TTN: variants seen among roughly 807,000 people sequenced by gnomAD.
The protein encoded by TTN is titin, also known as connectin.
A neutral mutation model predicts 3,223.0 loss-of-function variants in TTN; 1,525 were observed. The ratio of observed to expected loss-of-function variants is 0.47; its 90% CI spans 0.45 to 0.49. TTN has a LOEUF of 0.49. TTN is among the 20% of genes least tolerant of loss of function. The probability of loss-of-function intolerance (pLI) is 0.00; values close to 1 mark genes in which losing one functional copy is unlikely to be tolerated. For synonymous variants in TTN, 14,094 were observed against 15,161.0 expected, an observed-to-expected ratio of 0.93 and a Z score of 5.17; for missense variants, 40,786 against 43,424.0, an observed-to-expected ratio of 0.94 and a Z score of 5.40.
In TTN at chr2:178,590,811, C is replaced by A. The variant is rs750920394; in HGVS notation, c.60914G>T (p.Gly20305Val). Residue 20305 changes from glycine to valine, a missense_variant, in exon 304 of 363, where the codon GGC (glycine) becomes GTC (valine). Gly to Val is a moderately radical substitution (Grantham distance 109). Transcript: ENST00000589042. ...TACTTCTCGACGTTCCATATAGTAG[C>A]CAGTTATTGGACTGCCACCATCAGA... ...PKSDGGSPITGYYMERREVTG... is the reference protein window; with the variant it reads ...PKSDGGSPITVYYMERREVTG... The A allele has an allele frequency of 6.2e-7, 1 of 1,606,876 alleles. No individual in the cohort carries two copies. The highest frequency in any genetic ancestry group is 1.1e-5 in the South Asian group (1 of 90,862).
At chr2:178,713,756 G>T in intron 92 of TTN, 141 bp downstream of exon 92, 1 of 1,061,984 alleles carries the variant, frequency 9.4e-7, no homozygotes, top group Non-Finnish European at 1.3e-6. Context: ...TTCTACAGAT[G>T]GTATTGCCTC....
chr2:178,775,913 C>T lies in TTN; in HGVS notation c.5951G>A (p.Arg1984Lys). 1 of 1,614,106 alleles carries T rather than the reference C, an allele frequency of 6.2e-7. No individual in the cohort carries two copies. Among genetic ancestry groups the T allele is most frequent in the South Asian group, 1.1e-5 (1 of 91,074 alleles). ...TTCAGGCACTTTTTCATGGGTAATTCTTTCAGCCCTTTTCAACTTCACAAC... is the reference window on the plus strand; with the variant it reads ...TTCAGGCACTTTTTCATGGGTAATTTTTTCAGCCCTTTTCAACTTCACAAC... ...KEVVKLKRAE[R>K]ITHEKVPEES... The change falls in exon 28 of 363, where the codon AGA becomes AAA. Residue 1984 changes from arginine (R) to lysine (K), a missense_variant. Transcript: ENST00000589042.
Position 178,552,103 on chromosome 2 carries a change from T to C in TTN, c.90797A>G (p.Glu30266Gly). ...EITCYSIEKRETSQTNWKMVC... is the reference protein window; with the variant it reads ...EITCYSIEKRGTSQTNWKMVC... Reference sequence around the variant, plus strand: ...CATCTTCCAGTTAGTTTGTGAAGTTTCCCGCTTCTCGATGCTGTAACAAGT... The same window carrying C: ...CATCTTCCAGTTAGTTTGTGAAGTTCCCCGCTTCTCGATGCTGTAACAAGT... The change falls in exon 335 of 363, where the codon GAA becomes GGA. Residue 30266 changes from glutamate (E) to glycine (G), a missense_variant. Glu to Gly is a moderately conservative substitution (Grantham distance 98). Coordinates refer to ENST00000589042, the MANE Select transcript of TTN (RefSeq NM_001267550.2). The C allele has an allele frequency of 6.2e-7, 1 of 1,613,760 alleles. No homozygotes were observed. The highest frequency in any genetic ancestry group is 8.5e-7 in the Non-Finnish European group (1 of 1,179,752).
Position 178,777,703 on chromosome 2 carries a change from C to T in TTN, c.4480+1G>A, listed in dbSNP as rs766581255. On this transcript the variant is annotated splice_donor_variant, in intron 25 of 362. Coordinates refer to ENST00000589042, the MANE Select transcript of TTN (RefSeq NM_001267550.2). LOFTEE classifies it high-confidence loss of function. ...CATGAGCAAAAACTTATCACGCTTA[C>T]CATCATGAAACCAGAACGTCTCTGG... 6.2e-7 allele frequency: 1 copy of T among 1,614,014 alleles called. No homozygotes were observed. The highest frequency in any genetic ancestry group is 8.5e-7 in the Non-Finnish European group (1 of 1,179,936).
rs755746120 is a variant in TTN at position 178,609,751 on chromosome 2, T to C, written c.51672A>G (p.Ala17224=). The C allele has an allele frequency of 6.2e-7, 1 of 1,612,558 alleles. No homozygotes were observed. Among genetic ancestry groups the C allele is most frequent in the East Asian group, 2.2e-5 (1 of 44,790 alleles). The change falls in exon 272 of 363, where the codon GCA becomes GCG. Residue 17224 remains alanine (A), a synonymous_variant. Coordinates refer to ENST00000589042, the MANE Select transcript of TTN (RefSeq NM_001267550.2). The part of the protein sequence containing the change: ...EGKEYQFRVR[A]ENAAGISEPS... ...GTTCACTAATACCCGCGGCGTTCTC[T>C]GCTCGCACACGGAATTGGTACTCTT...
chr2:178,665,805 A>G lies in TTN; in HGVS notation c.35876-14T>C, dbSNP rs889256993. ...GTGATTCAGGCACTTTAAAGATATG[A>G]ATGCATTGTACTTTGGAGTTATGAA... On this transcript the variant is annotated splice_polypyrimidine_tract_variant and intron_variant, in intron 163 of 362. Transcript: ENST00000589042. 5 of 1,248,778 alleles carry G rather than the reference A, an allele frequency of 4.0e-6. No individual in the cohort carries two copies. In the African/African-American group the frequency reaches 7.7e-5, roughly 19 times the overall value. 77.4% of individuals were successfully genotyped at this position (1,248,778 alleles called of 1,614,324 possible).
intron 47 of TTN, chr2:178,749,430 C>T (rs1421140842): frequency 1.9e-6 from 3 of 1,613,078 alleles, no homozygotes; most frequent in Middle Eastern, 1.7e-4. Context: ...ATGCAACGCA[C>T]CTGCTCTTTC....
At chr2:178,732,007 G>A (rs776224423) in intron 57 of TTN, 36 bp from the exon 58 acceptor site, 1 of 1,591,540 alleles carries the variant, frequency 6.3e-7, no homozygotes. Context: ...ATTAAGGGAG[G>A]AGGGGTCTGT....
intron 147 of TTN, 104 bp from the exon 148 acceptor site, chr2:178,676,099 A>C: frequency 9.5e-7 from 1 of 1,051,000 alleles, no homozygotes; most frequent in Non-Finnish European, 1.4e-6. Flanking sequence ...ACAGTCGCTC[A>C]AGACAGGTCT....
chr2:178,695,426 A>G lies in TTN; in HGVS notation c.31208-16T>C. 2 of 1,605,970 alleles carry G rather than the reference A, an allele frequency of 1.2e-6. No homozygotes were observed. Among genetic ancestry groups the G allele is most frequent in the Non-Finnish European group, 8.5e-7 (1 of 1,173,098 alleles). ...TCATGTGATTCTGAAATAAAAACAC[A>G]GGAATAAGAAGGGATGCTTAAATAG... On this transcript the variant is annotated splice_polypyrimidine_tract_variant and intron_variant, in intron 114 of 362. Coordinates refer to ENST00000589042, the MANE Select transcript of TTN (RefSeq NM_001267550.2).
At position 178,702,175 on chromosome 2, in the gene TTN, C is replaced by T. The variant is rs377765443; in HGVS notation, c.30504G>A (p.Thr10168=). ...EARSTAELYL[T]TKEIKLELKP... The stretch of plus-strand genomic sequence containing the variant: ...CTGATGGCGCTACCTCACCTTTCGT[C>T]GTTAGGTACAGCTCTGCCGTGCTTC... The change falls in exon 108 of 363, where the codon ACG becomes ACA. Residue 10168 remains threonine (T), a synonymous_variant. Coordinates refer to ENST00000589042, the MANE Select transcript of TTN (RefSeq NM_001267550.2). The T allele has an allele frequency of 5.6e-6, 9 of 1,613,822 alleles. No homozygotes were observed. The East Asian group carries it at 8.9e-5, about 16-fold the overall frequency.
Position 178,717,156 on chromosome 2 carries a change from G to A in TTN, c.25578C>T (p.Tyr8526=). 6 of 1,613,594 alleles carry A rather than the reference G, an allele frequency of 3.7e-6. No individual in the cohort carries two copies. The highest frequency in any genetic ancestry group is 1.7e-4 in the Middle Eastern group (1 of 6,058). ...CAGCGATGTTGCTTGCATAGCAGGT[G>A]TACTGCCCGGCATCGCCTTTGCCTA... ...LKVGKGDAGQ[Y]TCYASNIAGK... Residue 8526 remains tyrosine, a synonymous_variant, in exon 88 of 363, where the codon TAC becomes TAT. Coordinates refer to ENST00000589042, the MANE Select transcript of TTN (RefSeq NM_001267550.2).
At chr2:178,619,099 CA>C (rs2057860092) in intron 250 of TTN, 3 of 548,272 alleles carry the variant, frequency 5.5e-6, no homozygotes, top group African/African-American at 1.9e-5. Flanking sequence ...CATTCCTTGC[CA>C]AAAATAGTAA....
At position 178,564,538 on chromosome 2, in the gene TTN, A is replaced by G. The variant is rs774606330; in HGVS notation, c.81594T>C (p.Gly27198=). 1 of 1,613,198 alleles carries G rather than the reference A, an allele frequency of 6.2e-7. No homozygotes were observed. The highest frequency in any genetic ancestry group is 1.7e-5 in the Admixed American group (1 of 59,934). The change falls in exon 326 of 363, where the codon GGT becomes GGC. Residue 27198 remains glycine (G), a synonymous_variant. Coordinates refer to ENST00000589042, the MANE Select transcript of TTN (RefSeq NM_001267550.2). ...CAATATAACCTGTTATTTTGCTACCACCATCATAGGCAGGTTTCTTCCATT... is the reference window on the plus strand; with the variant it reads ...CAATATAACCTGTTATTTTGCTACCGCCATCATAGGCAGGTTTCTTCCATT... ...TLKWKKPAYD[G]GSKITGYIVE...
Position 178,712,363 on chromosome 2 carries a change from C to T in TTN, c.27559G>A (p.Glu9187Lys), listed in dbSNP as rs1195527997. Reference protein sequence around the residue: ...EDAGQYNCYIENASGKDSCSA... With the variant: ...EDAGQYNCYIKNASGKDSCSA... ...CAGGAATCTTTTCCAGAGGCATTTT[C>T]AATGTAGCAGTTGTATTGTCCTGCA... The change falls in exon 95 of 363, where the codon GAA (glutamate) becomes AAA (lysine). Residue 9187 changes from glutamate (E) to lysine (K), a missense_variant. Physicochemically the swap from Glu to Lys is moderately conservative, Grantham distance 56 (BLOSUM62 1). Transcript: ENST00000589042. 1 of 1,613,766 alleles carries T rather than the reference C, an allele frequency of 6.2e-7. No individual in the cohort carries two copies. Among genetic ancestry groups the T allele is most frequent in the Admixed American group, 1.7e-5 (1 of 60,002 alleles).
rs1211184600 is a variant in TTN, at chr2:178,722,505, T to C, written c.22282A>G (p.Ile7428Val). Residue 7428 changes from isoleucine to valine, a missense_variant, in exon 77 of 363, where the codon ATT becomes GTT. Physicochemically the swap from Ile to Val is conservative, Grantham distance 29. Coordinates refer to ENST00000589042, the MANE Select transcript of TTN (RefSeq NM_001267550.2). The part of the protein sequence containing the change: ...PPSFARQLKD[I>V]EQTVGLPVTL... Reference sequence around the variant, plus strand: ...ACAGGTAACCCCACAGTTTGTTCAATGTCCTTTAATTGTCTTGCAAAAGAA... The same window carrying C: ...ACAGGTAACCCCACAGTTTGTTCAACGTCCTTTAATTGTCTTGCAAAAGAA... The C allele has an allele frequency of 1.9e-6, 3 of 1,613,196 alleles. No individual in the cohort carries two copies. Among genetic ancestry groups the C allele is most frequent in the Non-Finnish European group, 2.5e-6 (3 of 1,179,502 alleles).
Position 178,749,257 on chromosome 2 carries a change from T to C in TTN, c.11311+3867A>G, listed in dbSNP as rs1380179171. On this transcript the variant is annotated intron_variant, in intron 47 of 362. Transcript: ENST00000589042. ...TGACATCACTGAAATCATCAACAAA[T>C]GGATAAACAGTACCCTCTGCTTGGT... 1.1e-5 allele frequency: 17 copies of C among 1,611,754 alleles called. No homozygotes were observed. Among genetic ancestry groups the C allele is most frequent in the East Asian group, 6.7e-5 (3 of 44,818 alleles).
Position 178,546,348 on chromosome 2 carries a change from T to G in TTN, c.94983A>C (p.Lys31661Asn). ...GTTTGCCAGTATACTGCAAAGAGAC[T>G]TTTTCACAGAGATCTAGCTCCTTGT... ...KGDKELDLCE[K>N]VSLQYTGKRA... The change falls in exon 342 of 363, where the codon AAA becomes AAC. Residue 31661 changes from lysine to asparagine, a missense_variant. Transcript: ENST00000589042. The G allele has an allele frequency of 6.2e-7, 1 of 1,613,798 alleles. No homozygotes were observed.
chr2:178,770,131 G>T lies in TTN; in HGVS notation c.8570C>A (p.Ser2857Tyr). The T allele has an allele frequency of 4.3e-6, 7 of 1,614,150 alleles. No homozygotes were observed. Among genetic ancestry groups the T allele is most frequent in the South Asian group, 1.1e-5 (1 of 91,080 alleles). ...TGTGTATTCCCCAGCATCTGAGGGG[G>T]AGATGTTCTGCAGCATCAGCTTGTG... ...KVHKLMLQNISPSDAGEYTAV... is the reference protein window; with the variant it reads ...KVHKLMLQNIYPSDAGEYTAV... The change falls in exon 36 of 363, where the codon TCC (serine) becomes TAC (tyrosine). Residue 2857 changes from serine to tyrosine, a missense_variant. Coordinates refer to ENST00000589042, the MANE Select transcript of TTN (RefSeq NM_001267550.2).
Sources: gnomAD v4.1 joint callset for allele counts on GRCh38, gnomAD v4.1.1 for gene constraint, MANE v1.5 for transcripts, NCBI Gene and HGNC (gene_info 2026-07-23, HGNC 2026-07-21) for gene names.